The following TNS3 variants were observed in gnomAD, a reference collection of about 807,000 sequenced individuals.
TNS3 encodes the protein tensin 3.
Under a neutral mutation model 140.9 loss-of-function variants are expected in TNS3, and 45 were observed. The ratio of observed to expected loss-of-function variants is 0.32; its 90% CI spans 0.25 to 0.41. The LOEUF (loss-of-function observed/expected upper bound fraction) is 0.41, where lower values mean the gene tolerates loss of function less well. Ranked by LOEUF, TNS3 falls within the 10% of genes least tolerant of loss-of-function variation. The pLI, the probability that TNS3 is intolerant of heterozygous loss-of-function variation, is 1.00. For synonymous variants in TNS3, 815 were observed against 788.4 expected, an observed-to-expected ratio of 1.03 and a Z score of -0.56; for missense variants, 1,716 against 1,906.7, an observed-to-expected ratio of 0.90 and a Z score of 1.86.
chr7:47,504,195 T>C (rs1009701), intron 3 of TNS3, among the ~76,000 whole-genome samples: 53,201 of 152,112 alleles, frequency 0.35, 10,003 homozygotes, highest in African/African-American at 0.5. Context: ...AAGAGAGTGA[T>C]AGCAGTCTTT....
intron 17 of TNS3, among the ~76,000 whole-genome samples, chr7:47,350,015 G>A (rs1407475483): frequency 6.6e-6 from 1 of 152,222 alleles, no homozygotes; most frequent in East Asian, 1.9e-4. Context: ...AGAGAGCAAT[G>A]ATTTGTCACC....
intron 20 of TNS3, among the ~76,000 whole-genome samples, chr7:47,312,432 G>A (rs928816497): frequency 2.6e-5 from 4 of 151,950 alleles, no homozygotes; most frequent in African/African-American, 4.8e-5. Context: ...GGCTGGGTGC[G>A]GCGGGTCATG....
chr7:47,484,021 G>T (rs1395370902), intron 3 of TNS3, among the ~76,000 whole-genome samples: 1 of 152,180 alleles, frequency 6.6e-6, no homozygotes, highest in African/African-American at 2.4e-5. Flanking sequence ...AACAGTAGGG[G>T]GCGAGCAGCC....
In TNS3 at chr7:47,415,177, G is replaced by C. The variant is rs1794009926; in HGVS notation, c.503C>G (p.Ser168Cys). The change falls in exon 11 of 31, where the codon TCC (serine) becomes TGC (cysteine). Residue 168 changes from serine (S) to cysteine (C), a missense_variant. Physicochemically the swap from Ser to Cys is moderately radical, Grantham distance 112 (BLOSUM62 -1). Around this residue, in one of 3 missense-constraint regions of TNS3, gnomAD observed 337 missense variants for 428.9 expected, o/e 0.79. Coordinates refer to ENST00000311160, the MANE Select transcript of TNS3 (RefSeq NM_022748.12). ...RYVQFLSGLL[S>C]GSVKMNASPL... ...AGAGGCATTCATTTTCACCGATCCG[G>C]ACAGGAGCCCACTGAGGAACTGAAC... 1 of 1,610,052 alleles carries C rather than the reference G, an allele frequency of 6.2e-7. No homozygotes were observed. The highest frequency in any genetic ancestry group is 8.5e-7 in the Non-Finnish European group (1 of 1,178,484).
At chr7:47,378,750 G>A (rs1791568819) in intron 16 of TNS3, among the ~76,000 whole-genome samples, 1 of 152,300 alleles carries the variant, frequency 6.6e-6, no homozygotes, top group Non-Finnish European at 1.5e-5. Flanking sequence ...TTCATGGGGG[G>A]AGGGCTAAGG....
intron 1 of TNS3, among the ~76,000 whole-genome samples, chr7:47,547,034 G>A (rs1799939536): frequency 6.6e-6 from 1 of 152,212 alleles, no homozygotes; most frequent in Admixed American, 6.5e-5. Flanking sequence ...TTGAGTTTCT[G>A]ATTAGATGGT....
chr7:47,527,106 G>A (rs917607719), intron 2 of TNS3, among the ~76,000 whole-genome samples: 21 of 152,006 alleles, frequency 1.4e-4, no homozygotes, highest in African/African-American at 2.7e-4. Flanking sequence ...GCATGGTGGC[G>A]GGCGCCTGTA....
intron 23 of TNS3, among the ~76,000 whole-genome samples, chr7:47,301,325 G>C (rs1204874367): frequency 6.6e-6 from 1 of 152,192 alleles, no homozygotes; most frequent in Non-Finnish European, 1.5e-5. Context: ...TGCCTTGCCA[G>C]TCACACACCA....
chr7:47,418,450 G>A (rs1174928842), intron 10 of TNS3, among the ~76,000 whole-genome samples: 1 of 152,196 alleles, frequency 6.6e-6, no homozygotes, highest in Admixed American at 6.5e-5. Flanking sequence ...TGAATCAATT[G>A]TAGGGTATCA....
At chr7:47,385,485 A>T (rs1201680163) in intron 16 of TNS3, among the ~76,000 whole-genome samples, 2 of 152,080 alleles carry the variant, frequency 1.3e-5, no homozygotes, top group Middle Eastern at 3.2e-3. Context: ...AGCACTGCCG[A>T]TGCTCAGAGA....
intron 20 of TNS3, among the ~76,000 whole-genome samples, chr7:47,330,957 C>A (rs1329723196): frequency 6.6e-6 from 1 of 152,146 alleles, no homozygotes; most frequent in Admixed American, 6.5e-5. Flanking sequence ...TCTGTCCCAC[C>A]GGACTCGGGC....
rs1013093752 is a variant in TNS3 at position 47,288,629 on chromosome 7, A to G, written c.3928+3326T>C. Among the ~76,000 whole-genome samples, 5 of 152,254 alleles carry G rather than the reference A, an allele frequency of 3.3e-5. 1 individual carries two copies. Among genetic ancestry groups the G allele is most frequent in the Admixed American group, 2.6e-4 (4 of 15,294 alleles). On this transcript the variant is annotated intron_variant, in intron 27 of 30. Coordinates refer to ENST00000311160, the MANE Select transcript of TNS3 (RefSeq NM_022748.12). ...CAGGGTCCACTGTTACTTTAACAGA[A>G]GAAAGCTAAGAACCATGATGGGCTC...
intron 1 of TNS3, among the ~76,000 whole-genome samples, chr7:47,538,702 ACCT>A (rs1799691780): frequency 6.6e-6 from 1 of 150,732 alleles, no homozygotes; most frequent in Admixed American, 6.6e-5. Flanking sequence ...AAAGGAAAAA[ACCT>A]CCTCCTAGAA....
At chr7:47,580,659 C>T (rs1451938008) in intron 1 of TNS3, among the ~76,000 whole-genome samples, 1 of 146,874 alleles carries the variant, frequency 6.8e-6, no homozygotes, top group Non-Finnish European at 1.5e-5. Flanking sequence ...TTTCTTAATA[C>T]TTGTTGATTG....
intron 4 of TNS3, among the ~76,000 whole-genome samples, chr7:47,466,788 A>C (rs1796736500): frequency 6.6e-6 from 1 of 152,232 alleles, no homozygotes; most frequent in Non-Finnish European, 1.5e-5. Context: ...GGAGTTTGGA[A>C]AGGGCACTAT....
At chr7:47,573,032 G>A (rs562658725) in intron 1 of TNS3, among the ~76,000 whole-genome samples, 39 of 152,304 alleles carry the variant, frequency 2.6e-4, no homozygotes, top group Admixed American at 1.4e-3. Context: ...AGAAATCAAG[G>A]GTCACGTGTG....
At chr7:47,475,075 G>A (rs574051602) in intron 4 of TNS3, among the ~76,000 whole-genome samples, 21 of 148,708 alleles carry the variant, frequency 1.4e-4, no homozygotes, top group Admixed American at 7.3e-4. Flanking sequence ...CACACCTCAC[G>A]TACAACACAC....
At chr7:47,453,367 TC>T in intron 4 of TNS3, 1 of 566,208 alleles carries the variant, frequency 1.8e-6, no homozygotes, top group Non-Finnish European at 2.2e-6. Context: ...TCTCAAAAGT[TC>T]CCCCAGGAAA....
chr7:47,548,739 G>A lies in TNS3; in HGVS notation c.-264-19592C>T, dbSNP rs146836648. On this transcript the variant is annotated intron_variant, in intron 1 of 30. Coordinates refer to ENST00000311160, the MANE Select transcript of TNS3 (RefSeq NM_022748.12). ...TCACCCTTCCCACCACCTGTCTGCCGGCTGATGGTCCTGACCACTCCAAGC... is the reference window on the plus strand; with the variant it reads ...TCACCCTTCCCACCACCTGTCTGCCAGCTGATGGTCCTGACCACTCCAAGC... 5.1e-3 allele frequency among the ~76,000 whole-genome samples: 783 copies of A among 152,136 alleles called. 21 individuals carry two copies. The highest frequency in any genetic ancestry group is 0.044 in the East Asian group (226 of 5,160).
Sources: allele counts gnomAD v4.1 joint callset (sites outside exome capture counted in the v4.1 genomes callset), GRCh38; gene constraint gnomAD v4.1.1; regional missense constraint gnomAD v4.1.1; transcripts MANE v1.5; gene names NCBI Gene and HGNC (gene_info 2026-07-23, HGNC 2026-07-21).